Variants in AGAP1 observed in about 807,000 individuals in gnomAD.
AGAP1 encodes ArfGAP with GTPase domain, ankyrin repeat and PH domain 1.
A neutral mutation model predicts 105.3 loss-of-function variants in AGAP1; 29 were observed. The ratio of observed to expected loss-of-function variants is 0.28; its 90% CI spans 0.21 to 0.38. The LOEUF (loss-of-function observed/expected upper bound fraction) is 0.38. Among genes scored for constraint, AGAP1 ranks in the 10% least tolerant of loss-of-function variants. The pLI, the probability that AGAP1 is intolerant of heterozygous loss-of-function variation, is 1.00. For missense variants in AGAP1, 998 were observed against 1,165.1 expected, an observed-to-expected ratio of 0.86 and a Z score of 2.09; for synonymous variants, 509 against 485.9, an observed-to-expected ratio of 1.05 and a Z score of -0.63.
In AGAP1 at chr2:235,963,726, T is replaced by C. The variant is rs1319922557; in HGVS notation, c.1484-4736T>C. ...CCACCCTGTTCACCATCTTTTTCAT[T>C]GATGTGGATGGATATATGGGAGTAT... On this transcript the variant is annotated intron_variant, in intron 12 of 17. Coordinates refer to ENST00000304032, the MANE Select transcript of AGAP1 (RefSeq NM_001037131.3). This position sits in a 1 kb window ranked among gnomAD's most constrained non-coding sequence, Gnocchi z 5.1. Among the ~76,000 whole-genome samples the C allele has an allele frequency of 2.0e-5, 3 of 152,066 alleles. No homozygotes were observed. Among genetic ancestry groups the C allele is most frequent in the Non-Finnish European group, 2.9e-5 (2 of 68,008 alleles).
chr2:235,790,607 T>C (rs1956917287), intron 6 of AGAP1, among the ~76,000 whole-genome samples: 1 of 152,222 alleles, frequency 6.6e-6, no homozygotes, highest in South Asian at 2.1e-4. Flanking sequence ...TAAGGACAAC[T>C]TCACACTTGC....
chr2:235,913,292 A>G (rs2051710060), intron 11 of AGAP1, among the ~76,000 whole-genome samples: 1 of 152,128 alleles, frequency 6.6e-6, no homozygotes, highest in Admixed American at 6.5e-5. Flanking sequence ...GTATATGCAT[A>G]TATATCTGTG....
At chr2:235,668,278 C>T (rs1948195707) in intron 1 of AGAP1, among the ~76,000 whole-genome samples, 1 of 152,182 alleles carries the variant, frequency 6.6e-6, no homozygotes, top group Non-Finnish European at 1.5e-5. Context: ...ATCTAGATTT[C>T]CTAGGCTATA....
intron 9 of AGAP1, among the ~76,000 whole-genome samples, chr2:235,878,619 A>G (rs2049862200): frequency 6.6e-6 from 1 of 152,158 alleles, no homozygotes; most frequent in African/African-American, 2.4e-5. Flanking sequence ...TCCTGGATTT[A>G]GCAAACAGAA....
chr2:235,594,114 G>C (rs1042071447), intron 1 of AGAP1, among the ~76,000 whole-genome samples: 1 of 152,106 alleles, frequency 6.6e-6, no homozygotes, highest in Non-Finnish European at 1.5e-5. Flanking sequence ...CGGTGTTAAG[G>C]AAGTGGAGAT....
At chr2:235,527,979 A>G (rs1942904842) in intron 1 of AGAP1, among the ~76,000 whole-genome samples, 1 of 152,202 alleles carries the variant, frequency 6.6e-6, no homozygotes, top group Non-Finnish European at 1.5e-5. Flanking sequence ...TGTCATAACT[A>G]GCCACACTTC....
chr2:236,054,188 T>C (rs1000111524), intron 16 of AGAP1, among the ~76,000 whole-genome samples: 1 of 152,174 alleles, frequency 6.6e-6, no homozygotes, highest in African/African-American at 2.4e-5. Flanking sequence ...GTATCCAAAC[T>C]GAAAATAATT....
rs2056129717 is a variant in AGAP1, at chr2:236,001,713, A to C, written c.1645+33090A>C. On this transcript the variant is annotated intron_variant, in intron 13 of 17. Coordinates refer to ENST00000304032, the MANE Select transcript of AGAP1 (RefSeq NM_001037131.3). The surrounding 1 kb of genome is among the most constrained non-coding windows in gnomAD (Gnocchi z 4.7). ...CCCTTTTGTTTTGTTTCTGTATAAG[A>C]TCATACCATGTATATTCTGGAATTT... Among the ~76,000 whole-genome samples, 1 of 152,160 alleles carries C rather than the reference A, an allele frequency of 6.6e-6. No homozygotes were observed.
intron 12 of AGAP1, among the ~76,000 whole-genome samples, chr2:235,949,892 G>A (rs141864766): frequency 6.6e-5 from 10 of 152,244 alleles, no homozygotes; most frequent in African/African-American, 2.2e-4. Flanking sequence ...AGACTCCCTC[G>A]CCTAGGCAAA....
chr2:235,774,041 T>C, intron 6 of AGAP1: 1 of 445,536 alleles, frequency 2.2e-6, no homozygotes, highest in Non-Finnish European at 4.6e-6. Flanking sequence ...ACTACTATTA[T>C]GACTACGATG....
rs116607384 is a variant in AGAP1 at position 236,051,569 on chromosome 2, G to A, written c.2114+2288G>A. 7.5e-3 allele frequency among the ~76,000 whole-genome samples: 1,146 copies of A among 152,286 alleles called. 19 individuals carry two copies. The highest frequency in any genetic ancestry group is 0.025 in the African/African-American group (1,057 of 41,548). ...GGCTCGGCCGGGCCTGTGGGGAGGT[G>A]TGCCTGTCGGCGAGTACAGCACCGT... is the stretch of plus-strand genomic sequence containing the variant. On this transcript the variant is annotated intron_variant, in intron 16 of 17. Coordinates refer to ENST00000304032, the MANE Select transcript of AGAP1 (RefSeq NM_001037131.3). This position sits in a 1 kb window ranked among gnomAD's most constrained non-coding sequence, Gnocchi z 5.9.
intron 9 of AGAP1, among the ~76,000 whole-genome samples, chr2:235,825,126 A>T (rs997221049): frequency 6.6e-6 from 1 of 152,394 alleles, no homozygotes; most frequent in South Asian, 2.1e-4. Flanking sequence ...TTGAGTGTGG[A>T]TAGAAGGAGA....
At position 235,637,625 on chromosome 2, in the gene AGAP1, A is replaced by C. The variant is rs147234591; in HGVS notation, c.164-71554A>C. On this transcript the variant is annotated intron_variant, in intron 1 of 17. Transcript: ENST00000304032. ...ACAAAAGTGAAGGTGGAAAGTTCGG[A>C]CCAGTGGGCTGTATGTTTCAGAACT... 1.2e-3 allele frequency among the ~76,000 whole-genome samples: 182 copies of C among 152,224 alleles called. 1 individual carries two copies. Among genetic ancestry groups the C allele is most frequent in the African/African-American group, 3.8e-3 (158 of 41,534 alleles).
rs555421133 is a variant in AGAP1 at position 236,040,076 on chromosome 2, A to G, written c.1801-675A>G. On this transcript the variant is annotated intron_variant, in intron 14 of 17. Transcript: ENST00000304032. The surrounding 1 kb of genome is among the most constrained non-coding windows in gnomAD (Gnocchi z 5.6). ...CAGTGAGCTATGATCACACCACTGC[A>G]CCCCAGCCTCAGCCACAGAGCGAGA... 1.3e-5 allele frequency among the ~76,000 whole-genome samples: 2 copies of G among 152,208 alleles called. No homozygotes were observed. Among genetic ancestry groups the G allele is most frequent in the East Asian group, 3.9e-4 (2 of 5,178 alleles).
intron 1 of AGAP1, among the ~76,000 whole-genome samples, chr2:235,519,977 G>A (rs1410535310): frequency 6.6e-6 from 1 of 152,068 alleles, no homozygotes; most frequent in Non-Finnish European, 1.5e-5. Context: ...TAGGGATGGG[G>A]TTTCACCATG....
Position 236,126,930 on chromosome 2 carries a change from A to G in AGAP1, c.*2808A>G, listed in dbSNP as rs1218603344. The G allele has an allele frequency of 1.3e-5, 2 of 152,260 alleles. No homozygotes were observed. Among genetic ancestry groups the G allele is most frequent in the Non-Finnish European group, 2.9e-5 (2 of 68,086 alleles). 9.4% of individuals were successfully genotyped at this position (152,260 alleles called of 1,614,324 possible). On this transcript the variant is annotated 3_prime_UTR_variant, in exon 18 of 18. Coordinates refer to ENST00000304032, the MANE Select transcript of AGAP1 (RefSeq NM_001037131.3). Reference sequence around the variant, plus strand: ...GCAAGGACTGGGGGCGGAGCTAGGAATAACTCGTTTGAGAAGGGGGTGGAG... The same window carrying G: ...GCAAGGACTGGGGGCGGAGCTAGGAGTAACTCGTTTGAGAAGGGGGTGGAG...
rs1325655609 is a variant in AGAP1 at position 235,930,643 on chromosome 2, CAG to C, written c.1325-121_1325-120del. Reference sequence around the variant, plus strand: ...GCTTCCGTTTGCCATGCAGGCAGGACAGGGGCTGCTCTCGGTGGTAAGGTGCA... The same window carrying C: ...GCTTCCGTTTGCCATGCAGGCAGGACGGGCTGCTCTCGGTGGTAAGGTGCA... On this transcript the variant is annotated intron_variant, in intron 11 of 17. Transcript: ENST00000304032. This position sits in a 1 kb window ranked among gnomAD's most constrained non-coding sequence, Gnocchi z 7.9. 16 of 990,054 alleles carry C rather than the reference CAG, an allele frequency of 1.6e-5. No individual in the cohort carries two copies. The highest frequency in any genetic ancestry group is 2.5e-5 in the East Asian group (1 of 39,450). 61.3% of individuals were successfully genotyped at this position (990,054 alleles called of 1,614,324 possible). A position where few individuals can be genotyped will look rare whatever the true frequency, so the allele number is the denominator to read the frequency against.
chr2:235,828,257 C>A (rs1043243707), intron 9 of AGAP1, among the ~76,000 whole-genome samples: 6 of 152,156 alleles, frequency 3.9e-5, no homozygotes, highest in Non-Finnish European at 8.8e-5. Flanking sequence ...CTGTGGCAGC[C>A]CACTGGAACA....
rs1375253064 is a variant in AGAP1, at chr2:235,879,856, C to T, written c.1051-3489C>T. ...GGCTGGCGCAGGAGAATTGCTTGAG[C>T]TGGAAAGTTCAAGGTTGCAGTGAGC... On this transcript the variant is annotated intron_variant, in intron 9 of 17. Transcript: ENST00000304032. This position sits in a 1 kb window ranked among gnomAD's most constrained non-coding sequence, Gnocchi z 5.0. Among the ~76,000 whole-genome samples, 1 of 152,128 alleles carries T rather than the reference C, an allele frequency of 6.6e-6. No homozygotes were observed. The highest frequency in any genetic ancestry group is 6.6e-5 in the Admixed American group (1 of 15,246).
Sources: allele counts gnomAD v4.1 joint callset (sites outside exome capture counted in the v4.1 genomes callset), GRCh38; gene constraint gnomAD v4.1.1; non-coding constraint Gnocchi (gnomAD v3.1); transcripts MANE v1.5; gene names NCBI Gene and HGNC (gene_info 2026-07-23, HGNC 2026-07-21).